GPC5: variants seen among roughly 807,000 people sequenced by gnomAD.
GPC5 encodes glypican-5.
In GPC5, 47 loss-of-function variants were observed where a neutral mutation model predicts 53.9. That is an observed-to-expected ratio of 0.87 (90% CI 0.69 to 1.11). The LOEUF is 1.11. Ranked by LOEUF, GPC5 falls within the 50% of genes most tolerant of loss-of-function variation. The pLI is 0.00. For synonymous variants in GPC5, 286 were observed against 263.3 expected (o/e 1.09, Z -0.84); for missense variants, 748 against 713.1 (o/e 1.05, Z -0.56).
chr13:91,507,693 T>A (rs1885015655), intron 2 of GPC5, among the ~76,000 whole-genome samples: 1 of 152,140 alleles, frequency 6.6e-6, no homozygotes, highest in South Asian at 2.1e-4. Context: ...CATGACTTAA[T>A]CACCTCCCAA....
intron 7 of GPC5, among the ~76,000 whole-genome samples, chr13:92,777,334 T>TCAA (rs1875850236): frequency 2.4e-5 from 1 of 40,942 alleles, no homozygotes; most frequent in African/African-American, 1.0e-4. Context: ...AGACTCCATC[T>TCAA]CAAAAAAAAA....
chr13:92,740,293 C>A (rs890358256), intron 7 of GPC5, among the ~76,000 whole-genome samples: 6 of 152,070 alleles, frequency 3.9e-5, no homozygotes, highest in Non-Finnish European at 8.8e-5. Context: ...CACTTTGGCA[C>A]TTCCTATTAT....
intron 1 of GPC5, among the ~76,000 whole-genome samples, chr13:91,401,727 T>A (rs929310749): frequency 4.6e-5 from 7 of 152,236 alleles, no homozygotes; most frequent in African/African-American, 1.7e-4. Flanking sequence ...TTACTTTTTC[T>A]GATAAAAATG....
chr13:92,784,925 A>G (rs992227062), intron 7 of GPC5, among the ~76,000 whole-genome samples: 1 of 152,164 alleles, frequency 6.6e-6, no homozygotes, highest in Non-Finnish European at 1.5e-5. Context: ...TAGATATTTG[A>G]TATCTTACTC....
chr13:91,659,459 G>C (rs976150992), intron 2 of GPC5, among the ~76,000 whole-genome samples: 1 of 152,094 alleles, frequency 6.6e-6, no homozygotes, highest in African/African-American at 2.4e-5. Context: ...GGTTGGTTAT[G>C]GTCACATAGC....
intron 7 of GPC5, among the ~76,000 whole-genome samples, chr13:92,526,922 A>G (rs1007229984): frequency 6.6e-6 from 1 of 151,360 alleles, no homozygotes; most frequent in Non-Finnish European, 1.5e-5. Flanking sequence ...TGTGACGGAG[A>G]TGCAAAAGTA....
chr13:91,400,357 A>G (rs1035493119), intron 1 of GPC5, among the ~76,000 whole-genome samples: 2 of 151,898 alleles, frequency 1.3e-5, no homozygotes, highest in African/African-American at 2.4e-5. Flanking sequence ...GGGAACACTG[A>G]CTCCATTTGA....
intron 2 of GPC5, among the ~76,000 whole-genome samples, chr13:91,492,986 C>T (rs1884024964): frequency 8.4e-6 from 1 of 119,058 alleles, no homozygotes; most frequent in Admixed American, 8.5e-5. Flanking sequence ...AATTCCTTGA[C>T]CTCATTGATT....
intron 6 of GPC5, among the ~76,000 whole-genome samples, chr13:91,925,731 A>T (rs1377181609): frequency 6.6e-6 from 1 of 152,198 alleles, no homozygotes; most frequent in Non-Finnish European, 1.5e-5. Flanking sequence ...TTGCAAAAAC[A>T]AACGAAAAAG....
intron 7 of GPC5, among the ~76,000 whole-genome samples, chr13:92,273,252 C>T (rs1046883366): frequency 1.3e-5 from 2 of 152,004 alleles, no homozygotes; most frequent in Admixed American, 1.3e-4. Flanking sequence ...CTGTAAGTAT[C>T]CTGCAACTAT....
chr13:92,436,701 C>T (rs1224477881), intron 7 of GPC5, among the ~76,000 whole-genome samples: 4 of 152,026 alleles, frequency 2.6e-5, no homozygotes, highest in Admixed American at 2.0e-4. Flanking sequence ...AATTTTTGAA[C>T]GTTTAGTATT....
chr13:91,944,480 A>G (rs934659946), intron 6 of GPC5, among the ~76,000 whole-genome samples: 5 of 152,144 alleles, frequency 3.3e-5, no homozygotes, highest in African/African-American at 4.8e-5. Flanking sequence ...TTTAAAATTA[A>G]CCCATTACTC....
At chr13:91,979,611 C>G (rs559121710) in intron 6 of GPC5, among the ~76,000 whole-genome samples, 3 of 152,278 alleles carry the variant, frequency 2.0e-5, no homozygotes, top group African/African-American at 7.2e-5. Context: ...ACTCCCCAAA[C>G]TCTATAATAA....
chr13:92,388,771 G>A (rs1160050680), intron 7 of GPC5, among the ~76,000 whole-genome samples: 2 of 152,100 alleles, frequency 1.3e-5, no homozygotes, highest in East Asian at 3.8e-4. Context: ...AAGCTTTATT[G>A]AGAAGGGGCA....
At chr13:92,610,099 C>A (rs1358850353) in intron 7 of GPC5, among the ~76,000 whole-genome samples, 2 of 143,704 alleles carry the variant, frequency 1.4e-5, no homozygotes, top group Non-Finnish European at 3.0e-5. Flanking sequence ...TAAAGTTGAA[C>A]TTTGTGTTCA....
intron 7 of GPC5, among the ~76,000 whole-genome samples, chr13:92,298,336 T>C (rs75600596): frequency 0.011 from 1,620 of 152,278 alleles, 27 homozygotes; most frequent in Middle Eastern, 0.048. Context: ...CAAGTTCTGT[T>C]CAGGAGGCTT....
At chr13:92,196,406 A>T (rs1467821141) in intron 7 of GPC5, among the ~76,000 whole-genome samples, 6 of 152,142 alleles carry the variant, frequency 3.9e-5, no homozygotes, top group Non-Finnish European at 7.3e-5. Flanking sequence ...TTTAATATCT[A>T]TTTTAAATTT....
intron 5 of GPC5, among the ~76,000 whole-genome samples, chr13:91,760,934 G>A (rs983491353): frequency 2.0e-5 from 3 of 152,194 alleles, no homozygotes; most frequent in Non-Finnish European, 4.4e-5. Context: ...GAGGTCAACA[G>A]TTCAAACAAT....
chr13:92,679,537 TA>T (rs1887050590), intron 7 of GPC5, among the ~76,000 whole-genome samples: 1 of 152,166 alleles, frequency 6.6e-6, no homozygotes, highest in African/African-American at 2.4e-5. Flanking sequence ...CATTTTGATC[TA>T]AACTAATTTG....
Sources: allele counts gnomAD v4.1 joint callset (sites outside exome capture counted in the v4.1 genomes callset), GRCh38; gene constraint gnomAD v4.1.1; transcripts MANE v1.5; gene names NCBI Gene and HGNC (gene_info 2026-07-23, HGNC 2026-07-21).